ZNF737: variants seen among roughly 807,000 people sequenced by gnomAD.
The protein encoded by ZNF737 is zinc finger protein 102 (Y3).
ZNF737 carries 13 observed loss-of-function variants against 11.7 expected under a neutral mutation model. The ratio of observed to expected loss-of-function variants is 1.11; its 90% CI spans 0.73 to 1.77. The LOEUF is 1.77. Ranked by LOEUF, ZNF737 falls within the 40% of genes most tolerant of loss-of-function variation. The pLI, the probability that ZNF737 is intolerant of heterozygous loss-of-function variation, is 0.00. For synonymous variants in ZNF737, 217 were observed against 216.2 expected, an observed-to-expected ratio of 1.00 and a Z score of -0.03; for missense variants, 636 against 638.0, an observed-to-expected ratio of 1.00 and a Z score of 0.03.
chr19:20,552,608 T>TA (rs1568432146), intron 2 of ZNF737, 38 bp from the exon 3 acceptor site: 1 of 1,442,030 alleles, frequency 6.9e-7, no homozygotes, highest in Non-Finnish European at 9.4e-7. Context: ...ATCTTGCTCA[T>TA]ATTCTCCAAT....
chr19:20,565,601 A>C, intron 1 of ZNF737, 37 bp downstream of exon 1: 1 of 1,614,012 alleles, frequency 6.2e-7, no homozygotes, highest in South Asian at 1.1e-5. Flanking sequence ...CAACCAGCCT[A>C]TCCCCCTCTC....
intron 3 of ZNF737, among the ~76,000 whole-genome samples, chr19:20,551,619 G>A (rs1021901365): frequency 6.6e-6 from 1 of 151,866 alleles, no homozygotes. Context: ...ACAAGTACAT[G>A]TATTGTTTCA....
chr19:20,537,025 C>A (rs926645743), downstream of ZNF737, among the ~76,000 whole-genome samples: 4 of 151,964 alleles, frequency 2.6e-5, no homozygotes, highest in East Asian at 2.0e-4. Flanking sequence ...ATCGCTTAAA[C>A]CCGAAAGCCA....
chr19:20,544,540 A>G lies in ZNF737; in HGVS notation c.*52T>C. The stretch of plus-strand genomic sequence containing the variant: ...GTTTCCCTCCAATATGAATTTTCTT[A>G]TGTGAAAAAAGCATAGTGGGATAGC... On this transcript the variant is annotated 3_prime_UTR_variant, in exon 4 of 4. Transcript: ENST00000427401. 1 of 1,542,934 alleles carries G rather than the reference A, an allele frequency of 6.5e-7. No homozygotes were observed. Among genetic ancestry groups the G allele is most frequent in the Non-Finnish European group, 8.7e-7 (1 of 1,151,778 alleles).
At position 20,539,604 on chromosome 19, in the gene ZNF737, TATTC is replaced by T. The variant is rs782645537; in HGVS notation, c.*4984_*4987del. The T allele has an allele frequency of 2.6e-4, 257 of 970,158 alleles. No individual in the cohort carries two copies. Among genetic ancestry groups the T allele is most frequent in the Non-Finnish European group, 3.1e-4 (252 of 816,106 alleles). 60.1% of individuals were successfully genotyped at this position (970,158 alleles called of 1,614,324 possible). On this transcript the variant is annotated 3_prime_UTR_variant, in exon 4 of 4. Transcript: ENST00000427401. ...CATAACTAATCATGGATTCAAAAAA[TATTC>T]ATATTAATGTGTTTACAGTTTAATC...
At chr19:20,546,495 C>T (rs1968460959) in intron 3 of ZNF737, among the ~76,000 whole-genome samples, 1 of 152,222 alleles carries the variant, frequency 6.6e-6, no homozygotes, top group Admixed American at 6.5e-5. Context: ...TATAGACCAC[C>T]TAGGATTCAC....
In ZNF737 at chr19:20,552,537, C is replaced by T. The variant is rs552502363; in HGVS notation, c.164G>A (p.Cys55Tyr). Residue 55 changes from cysteine to tyrosine, a missense_variant, in exon 3 of 4, where the codon TGT becomes TAT. By Grantham distance (194) the Cys-to-Tyr change is radical (BLOSUM62 -2). Transcript: ENST00000427401. The part of the protein sequence containing the change: ...IVVSKPDLIT[C>Y]LEQGKKPLTM... ...CAAAGGTTTTTTTCCTTGCTCCAGA[C>T]AGGTGATGAGGTCTGGCTTAGAGAC... is the stretch of plus-strand genomic sequence containing the variant. 2.4e-4 allele frequency: 375 copies of T among 1,594,598 alleles called. 6 individuals are homozygous for T. In the South Asian group the frequency reaches 3.7e-3, roughly 16 times the overall value.
At position 20,544,152 on chromosome 19, in the gene ZNF737, G is replaced by T; in HGVS notation, c.*440C>A. ...TCAAAAAAAAAAATATTGAAAACTT[G>T]TTATAGGATTTGCCACATTCCTCAA... On this transcript the variant is annotated 3_prime_UTR_variant, in exon 4 of 4. Coordinates refer to ENST00000427401, the MANE Select transcript of ZNF737 (RefSeq NM_001159293.2). 2 of 1,004,634 alleles carry T rather than the reference G, an allele frequency of 2.0e-6. No homozygotes were observed. Among genetic ancestry groups the T allele is most frequent in the Non-Finnish European group, 2.4e-6 (2 of 841,576 alleles). 62.2% of individuals were successfully genotyped at this position (1,004,634 alleles called of 1,614,324 possible).
At position 20,541,622 on chromosome 19, in the gene ZNF737, C is replaced by T. The variant is rs187098146; in HGVS notation, c.*2970G>A. ...TGTGTTTTTAGTAGAGACAAGGTTT[C>T]ACCACGTTGGCCAGGCTGGCCTTGA... On this transcript the variant is annotated 3_prime_UTR_variant, in exon 4 of 4. Coordinates refer to ENST00000427401, the MANE Select transcript of ZNF737 (RefSeq NM_001159293.2). Among the ~76,000 whole-genome samples, 407 of 152,234 alleles carry T rather than the reference C, an allele frequency of 2.7e-3. 1 individual carries two copies. The highest frequency in any genetic ancestry group is 9.4e-3 in the African/African-American group (391 of 41,558).
At position 20,541,425 on chromosome 19, in the gene ZNF737, G is replaced by T. The variant is rs781805321; in HGVS notation, c.*3167C>A. Reference sequence around the variant, plus strand: ...ATTACAAGTATTTATAATTTTTCAGGACTCAGAAATGTATGGATTTTATTT... The same window carrying T: ...ATTACAAGTATTTATAATTTTTCAGTACTCAGAAATGTATGGATTTTATTT... On this transcript the variant is annotated 3_prime_UTR_variant, in exon 4 of 4. Transcript: ENST00000427401. 15 of 979,082 alleles carry T rather than the reference G, an allele frequency of 1.5e-5. No homozygotes were observed. The highest frequency in any genetic ancestry group is 1.7e-5 in the Non-Finnish European group (14 of 824,382). 60.6% of individuals were successfully genotyped at this position (979,082 alleles called of 1,614,324 possible). A position where few individuals can be genotyped will look rare whatever the true frequency, so the allele number is the denominator to read the frequency against.
chr19:20,563,765 C>T (rs528067191), intron 1 of ZNF737, among the ~76,000 whole-genome samples: 4 of 152,186 alleles, frequency 2.6e-5, no homozygotes, highest in Admixed American at 6.5e-5. Flanking sequence ...AGATGACAGG[C>T]GTGAGCCACT....
chr19:20,531,853 CAT>C (rs1967837082), downstream of ZNF737, among the ~76,000 whole-genome samples: 1 of 150,252 alleles, frequency 6.7e-6, no homozygotes, highest in Admixed American at 6.6e-5. Flanking sequence ...TAAATACTCA[CAT>C]AGAGAATTCT....
rs1599394403 is a variant in ZNF737, at chr19:20,539,126, T to G, written c.*5466A>C. ...GCCTGGCTAACATGATGAAATCCCA[T>G]CTCTACTACAAAAATTATCCGGGCA... On this transcript the variant is annotated 3_prime_UTR_variant, in exon 4 of 4. Transcript: ENST00000427401. 1 of 306,666 alleles carries G rather than the reference T, an allele frequency of 3.3e-6. No homozygotes were observed. The highest frequency in any genetic ancestry group is 4.0e-6 in the Non-Finnish European group (1 of 247,868). 19.0% of individuals were successfully genotyped at this position (306,666 alleles called of 1,614,324 possible).
chr19:20,539,194 G>A lies in ZNF737; in HGVS notation c.*5398C>T, dbSNP rs1461933423. 3.0e-6 allele frequency: 2 copies of A among 674,436 alleles called. No individual in the cohort carries two copies. The highest frequency in any genetic ancestry group is 2.7e-4 in the East Asian group (2 of 7,348). The allele number at this position is 674,436 out of a possible 1,614,324, so 41.8% of individuals were successfully genotyped here. A position where few individuals can be genotyped will look rare whatever the true frequency, so the allele number is the denominator to read the frequency against. ...TATCCCAGCTACTCAGGAGGCTGAG[G>A]CGGAAGAATCACTTGAACCAGGGAG... is the stretch of plus-strand genomic sequence containing the variant. On this transcript the variant is annotated 3_prime_UTR_variant, in exon 4 of 4. Coordinates refer to ENST00000427401, the MANE Select transcript of ZNF737 (RefSeq NM_001159293.2).
rs1265340526 is a variant in ZNF737, at chr19:20,542,353, T to G, written c.*2239A>C. 2.9e-6 allele frequency: 1 copy of G among 347,916 alleles called. No homozygotes were observed. Among genetic ancestry groups the G allele is most frequent in the Non-Finnish European group, 4.0e-6 (1 of 247,696 alleles). 21.6% of individuals were successfully genotyped at this position (347,916 alleles called of 1,614,324 possible). A position where few individuals can be genotyped will look rare whatever the true frequency, so the allele number is the denominator to read the frequency against. ...AAGTGTTTCTCCTGCCTCAGCCTCC[T>G]GAGTAGCTGAGATTACAGGCATGCA... On this transcript the variant is annotated 3_prime_UTR_variant, in exon 4 of 4. Transcript: ENST00000427401.
At chr19:20,533,164 A>G (rs1225788239), downstream of ZNF737, among the ~76,000 whole-genome samples, 5 of 150,208 alleles carry the variant, frequency 3.3e-5, no homozygotes, top group South Asian at 2.2e-4. Flanking sequence ...GTAAGTATTC[A>G]TCTTCCAGAA....
Position 20,541,912 on chromosome 19 carries a change from T to C in ZNF737, c.*2680A>G, listed in dbSNP as rs1968221777. On this transcript the variant is annotated 3_prime_UTR_variant, in exon 4 of 4. Coordinates refer to ENST00000427401, the MANE Select transcript of ZNF737 (RefSeq NM_001159293.2). ...ATGTAATTACTACATATTGTAGGCC[T>C]GAGTCAAAAGATGCCATATAAGGCA... The C allele has an allele frequency of 1.7e-6, 1 of 583,160 alleles. No individual in the cohort carries two copies. Among genetic ancestry groups the C allele is most frequent in the Non-Finnish European group, 2.2e-6 (1 of 463,042 alleles). 36.1% of individuals were successfully genotyped at this position (583,160 alleles called of 1,614,324 possible). A position where few individuals can be genotyped will look rare whatever the true frequency, so the allele number is the denominator to read the frequency against.
downstream of ZNF737, chr19:20,535,899 A>T: frequency 5.4e-6 from 1 of 185,014 alleles, no homozygotes; most frequent in Non-Finnish European, 1.0e-5. Context: ...ATGGTACAAT[A>T]ATAAAACAAA....
intron 3 of ZNF737, among the ~76,000 whole-genome samples, chr19:20,548,942 A>AT (rs1412625412): frequency 5.8e-5 from 6 of 103,204 alleles, no homozygotes; most frequent in Non-Finnish European, 9.1e-5. Context: ...TTTTTAAGCA[A>AT]TTTTTTTTAA....
Sources: gnomAD v4.1 joint callset for allele counts (sites outside exome capture counted in the v4.1 genomes callset) on GRCh38, gnomAD v4.1.1 for gene constraint, MANE v1.5 for transcripts, NCBI Gene and HGNC (gene_info 2026-07-23, HGNC 2026-07-21) for gene names.